NTRK1: variants seen among roughly 807,000 people sequenced by gnomAD.
NTRK1 encodes high affinity nerve growth factor receptor.
A neutral mutation model predicts 86.8 loss-of-function variants in NTRK1; 62 were observed. The observed-to-expected ratio is 0.71, with a 90% CI of 0.58 to 0.88. NTRK1 has a LOEUF of 0.88. Among genes scored for constraint, NTRK1 ranks in the 40% least tolerant of loss-of-function variants. The probability of loss-of-function intolerance (pLI) is 0.00; values close to 1 mark genes in which losing one functional copy is unlikely to be tolerated. For missense variants in NTRK1, 967 were observed against 1,078.4 expected (o/e 0.90, Z 1.45); for synonymous variants, 469 against 456.6 (o/e 1.03, Z -0.35).
chr1:156,876,688 A>C, intron 14 of NTRK1, 116 bp downstream of exon 14: 1 of 1,293,644 alleles, frequency 7.7e-7, no homozygotes, highest in South Asian at 1.3e-5. Flanking sequence ...AAGAAAGATC[A>C]GGAAGGCACA....
chr1:156,829,119 G>A (rs1468312372), intron 1 of NTRK1, among the ~76,000 whole-genome samples: 1 of 152,152 alleles, frequency 6.6e-6, no homozygotes, highest in Non-Finnish European at 1.5e-5. Flanking sequence ...TGAACAAATA[G>A]GAAAAGTGAT....
rs543738366 is a variant in NTRK1, at chr1:156,842,340, C to T, written c.50+147C>T. The T allele has an allele frequency of 1.5e-4, 247 of 1,612,764 alleles. No homozygotes were observed. The African/African-American group carries it at 2.4e-3, about 16-fold the overall frequency. On this transcript the variant is annotated intron_variant, in intron 2 of 16. Coordinates refer to the NTRK1 transcript ENST00000392302. Reference sequence around the variant, plus strand: ...TGGTCTCCTGTCCAGAACTGGCCCCCACCTCCCACACTGTGCCCAACCCTT... The same window carrying T: ...TGGTCTCCTGTCCAGAACTGGCCCCTACCTCCCACACTGTGCCCAACCCTT...
intron 6 of NTRK1, among the ~76,000 whole-genome samples, chr1:156,869,682 C>T (rs1470758307): frequency 6.6e-6 from 1 of 152,190 alleles, no homozygotes; most frequent in Non-Finnish European, 1.5e-5. Context: ...TGCCCCTGGG[C>T]GTTCTCTGGC....
At chr1:156,862,807 G>T (rs1655737795) in intron 1 of NTRK1, among the ~76,000 whole-genome samples, 1 of 152,118 alleles carries the variant, frequency 6.6e-6, no homozygotes, top group African/African-American at 2.4e-5. Context: ...AACCCTCTGG[G>T]CAGGGGCTGG....
chr1:156,849,232 G>A, intron 2 of NTRK1: 2 of 1,612,902 alleles, frequency 1.2e-6, no homozygotes, highest in Non-Finnish European at 1.7e-6. Flanking sequence ...CCGGCACTGG[G>A]GTTGGGGTCT....
intron 1 of NTRK1, among the ~76,000 whole-genome samples, chr1:156,862,725 TG>T (rs1002819840): frequency 1.1e-4 from 16 of 152,124 alleles, no homozygotes; most frequent in Non-Finnish European, 1.8e-4. Context: ...TTGAGCACGC[TG>T]GCCTGACAGC....
At chr1:156,851,399 G>T (rs776963651) in intron 2 of NTRK1, 15 of 1,614,182 alleles carry the variant, frequency 9.3e-6, no homozygotes, top group Middle Eastern at 1.6e-4. Context: ...GTTTCTACCA[G>T]CCCCAGGCTG....
chr1:156,852,866 C>T (rs1571671485), intron 2 of NTRK1, among the ~76,000 whole-genome samples: 2 of 152,262 alleles, frequency 1.3e-5, no homozygotes, highest in East Asian at 3.9e-4. Context: ...TGGGGTGCAG[C>T]CGATACAGCA....
chr1:156,854,336 C>G lies in NTRK1; in HGVS notation c.51-10018C>G, dbSNP rs760268391. ...CATACACGGCACGCAGCATTGAGTA[C>G]AGCCCAGGCCAAATTCCCCATCCAG... On this transcript the variant is annotated intron_variant, in intron 2 of 16. Coordinates refer to the NTRK1 transcript ENST00000392302. This position sits in a 1 kb window ranked among gnomAD's most constrained non-coding sequence, Gnocchi z 4.2. 5.7e-5 allele frequency: 88 copies of G among 1,555,340 alleles called. No individual in the cohort carries two copies. Among genetic ancestry groups the G allele is most frequent in the Non-Finnish European group, 7.2e-5 (83 of 1,150,204 alleles).
chr1:156,868,440 A>C lies in NTRK1; in HGVS notation c.575-65A>C. The C allele has an allele frequency of 4.5e-6, 7 of 1,548,864 alleles. No homozygotes were observed. In the South Asian group the frequency reaches 8.3e-5, roughly 18 times the overall value. The stretch of plus-strand genomic sequence containing the variant: ...AGGGTGGGGGAAGGAGCAGCCCCGC[A>C]GTAGAGTTCTGGGGCCACTCCCAGC... On this transcript the variant is annotated intron_variant, in intron 5 of 16. Coordinates refer to ENST00000524377, the MANE Select transcript of NTRK1 (RefSeq NM_002529.4).
chr1:156,875,967 A>G, intron 12 of NTRK1, 113 bp from the exon 13 acceptor site: 1 of 1,515,156 alleles, frequency 6.6e-7, no homozygotes, highest in African/African-American at 1.4e-5. Context: ...GCCCCCATGC[A>G]GTCCCTCGTC....
chr1:156,848,824 A>C, intron 2 of NTRK1: 1 of 1,438,036 alleles, frequency 7.0e-7, no homozygotes, highest in South Asian at 1.4e-5. Flanking sequence ...CTGGGTCTTC[A>C]TAGCCTCGCT....
chr1:156,831,256 G>A (rs951793652), intron 1 of NTRK1, among the ~76,000 whole-genome samples: 3 of 152,208 alleles, frequency 2.0e-5, no homozygotes, highest in African/African-American at 7.2e-5. Context: ...AGGCGGGATG[G>A]TCATTTGGAG....
At chr1:156,842,112 C>A (rs1222103965) in exon 2 of NTRK1, 2 of 1,613,896 alleles carry the variant, frequency 1.2e-6, no homozygotes. Context: ...CCCTCTGTAC[C>A]CCCGATCTTG....
At chr1:156,859,198 C>G (rs1232200590), upstream of NTRK1, among the ~76,000 whole-genome samples, 1 of 150,950 alleles carries the variant, frequency 6.6e-6, no homozygotes, top group South Asian at 2.1e-4. This position sits in a 1 kb window ranked among gnomAD's most constrained non-coding sequence, Gnocchi z 6.2. Flanking sequence ...GGGACCTTTC[C>G]GTTCTCTCCA....
Position 156,881,693 on chromosome 1 carries a change from C to G in NTRK1, c.*51C>G, listed in dbSNP as rs765966058. The G allele has an allele frequency of 7.9e-6, 12 of 1,525,278 alleles. No individual in the cohort carries two copies. The highest frequency in any genetic ancestry group is 2.4e-5 in the East Asian group (1 of 42,152). The allele number at this position is 1,525,278 out of a possible 1,614,324, so 94.5% of individuals were successfully genotyped here. The stretch of plus-strand genomic sequence containing the variant: ...GTTAGCCGGAATACTGGGGCCTGCC[C>G]TCAGCATCCCCCATAGCTCCCAGCA... On this transcript the variant is annotated 3_prime_UTR_variant, in exon 17 of 17. Transcript: ENST00000524377.
At chr1:156,851,862 G>T (rs769680140) in intron 2 of NTRK1, 2 of 1,574,380 alleles carry the variant, frequency 1.3e-6, no homozygotes, top group South Asian at 2.4e-5. Flanking sequence ...TGCTCCCAGG[G>T]TGCCCCCCAC....
Position 156,849,440 on chromosome 1 carries a change from A to G in NTRK1, c.50+7247A>G. 3 of 1,491,050 alleles carry G rather than the reference A, an allele frequency of 2.0e-6. No individual in the cohort carries two copies. Among genetic ancestry groups the G allele is most frequent in the Non-Finnish European group, 2.7e-6 (3 of 1,104,610 alleles). The allele number at this position is 1,491,050 out of a possible 1,614,324, so 92.4% of individuals were successfully genotyped here. On this transcript the variant is annotated intron_variant, in intron 2 of 16. Coordinates refer to the NTRK1 transcript ENST00000392302. The stretch of plus-strand genomic sequence containing the variant: ...TAGCTGTTGTAGGTTCTGGTTGTCC[A>G]GCACGTAGAGAGTGTAGTTCCTGGG...
At chr1:156,850,756 C>T (rs1184228079) in intron 2 of NTRK1, among the ~76,000 whole-genome samples, 5 of 151,556 alleles carry the variant, frequency 3.3e-5, no homozygotes, top group South Asian at 2.1e-4. Flanking sequence ...GGGGTTTCAC[C>T]ACGTTGGCCA....
Sources: gnomAD v4.1 joint callset for allele counts (sites outside exome capture counted in the v4.1 genomes callset) on GRCh38, gnomAD v4.1.1 for gene constraint, Gnocchi (gnomAD v3.1) non-coding constraint, MANE v1.5 for transcripts, NCBI Gene and HGNC (gene_info 2026-07-23, HGNC 2026-07-21) for gene names.